PCDH15: variants seen among roughly 807,000 people sequenced by gnomAD.
PCDH15 encodes the protein protocadherin-15.
PCDH15 carries 129 observed loss-of-function variants against 178.5 expected under a neutral mutation model. The observed-to-expected ratio is 0.72, with a 90% confidence interval of 0.63 to 0.84. The LOEUF is 0.84. Among genes scored for constraint, PCDH15 ranks in the 40% least tolerant of loss-of-function variants. The probability of loss-of-function intolerance (pLI) is 0.00; values close to 1 mark genes in which losing one functional copy is unlikely to be tolerated. For synonymous variants in PCDH15, 800 were observed against 732.0 expected (o/e 1.09, Z -1.50); for missense variants, 2,230 against 2,099.9 (o/e 1.06, Z -1.21).
intron 1 of PCDH15, among the ~76,000 whole-genome samples, chr10:54,751,104 C>T (rs1307904225): frequency 6.6e-6 from 1 of 152,046 alleles, no homozygotes; most frequent in Non-Finnish European, 1.5e-5. Flanking sequence ...CTTTATAAAA[C>T]TGTTAGTATT....
chr10:54,757,695 C>A (rs1335127283), intron 1 of PCDH15, among the ~76,000 whole-genome samples: 2 of 152,014 alleles, frequency 1.3e-5, no homozygotes, highest in Non-Finnish European at 2.9e-5. Context: ...CTAAATAAGA[C>A]CAATTAGATT....
At chr10:55,240,873 A>T (rs752427039) in intron 1 of PCDH15, among the ~76,000 whole-genome samples, 2 of 152,222 alleles carry the variant, frequency 1.3e-5, no homozygotes, top group Non-Finnish European at 2.9e-5. Flanking sequence ...TCAAAACCAA[A>T]AAATTGATTG....
intron 15 of PCDH15, among the ~76,000 whole-genome samples, chr10:54,111,703 T>C (rs2095026378): frequency 6.6e-6 from 1 of 152,130 alleles, no homozygotes; most frequent in Non-Finnish European, 1.5e-5. Context: ...AGAGACATGA[T>C]AGAAATCTAA....
intron 1 of PCDH15, among the ~76,000 whole-genome samples, chr10:55,234,589 G>A (rs181901477): frequency 1.3e-5 from 2 of 151,822 alleles, no homozygotes; most frequent in South Asian, 2.1e-4. Flanking sequence ...CCATGTTGCC[G>A]AGGCCATCCT....
At chr10:55,005,963 A>G (rs913026592) in intron 2 of PCDH15, among the ~76,000 whole-genome samples, 6 of 151,800 alleles carry the variant, frequency 4.0e-5, no homozygotes, top group Non-Finnish European at 7.4e-5. Context: ...TTTTATTTTA[A>G]TTGATAAATA....
chr10:54,168,011 G>A (rs2046446530), intron 13 of PCDH15, among the ~76,000 whole-genome samples: 1 of 151,216 alleles, frequency 6.6e-6, no homozygotes, highest in African/African-American at 2.4e-5. Flanking sequence ...CTTGACTATA[G>A]GCAACCTTCC....
intron 3 of PCDH15, among the ~76,000 whole-genome samples, chr10:54,824,396 G>T (rs1254659861): frequency 5.9e-5 from 9 of 152,118 alleles, no homozygotes; most frequent in Admixed American, 5.9e-4. Context: ...AAAGATGTCA[G>T]GCATCTTAGA....
chr10:53,952,888 G>A (rs529319278), intron 23 of PCDH15, among the ~76,000 whole-genome samples: 1 of 152,382 alleles, frequency 6.6e-6, no homozygotes, highest in Admixed American at 6.5e-5. Flanking sequence ...AATGCTCGGG[G>A]CTTGATGACA....
At chr10:55,046,747 T>C (rs1841015971) in intron 2 of PCDH15, among the ~76,000 whole-genome samples, 1 of 152,112 alleles carries the variant, frequency 6.6e-6, no homozygotes. Context: ...GAAAAAGTTA[T>C]AGAAGTGAAG....
intron 5 of PCDH15, among the ~76,000 whole-genome samples, chr10:54,348,471 T>G (rs1011678092): frequency 6.6e-6 from 1 of 152,200 alleles, no homozygotes; most frequent in African/African-American, 2.4e-5. Flanking sequence ...TTCAATATTT[T>G]TCTTTTTTAA....
intron 23 of PCDH15, among the ~76,000 whole-genome samples, chr10:53,958,995 A>G (rs1361901947): frequency 6.7e-6 from 1 of 149,730 alleles, no homozygotes; most frequent in Non-Finnish European, 1.5e-5. Context: ...AAAAAAAAAA[A>G]AAAAAAAAAG....
chr10:55,245,340 C>T (rs923897313), intron 1 of PCDH15, among the ~76,000 whole-genome samples: 7 of 151,914 alleles, frequency 4.6e-5, no homozygotes, highest in Admixed American at 3.9e-4. Context: ...ATGGAAAATA[C>T]AAAACAAAGT....
intron 1 of PCDH15, among the ~76,000 whole-genome samples, chr10:54,761,322 C>T (rs1383179699): frequency 6.6e-6 from 1 of 151,944 alleles, no homozygotes. Context: ...GCCAAGAAAC[C>T]GAATGACCTA....
At chr10:54,192,654 A>G (rs1591074789) in intron 11 of PCDH15, among the ~76,000 whole-genome samples, 1 of 152,228 alleles carries the variant, frequency 6.6e-6, no homozygotes. Context: ...GAAACTACAT[A>G]TGATATTTTT....
intron 3 of PCDH15, among the ~76,000 whole-genome samples, chr10:54,453,319 G>T (rs982201489): frequency 1.3e-5 from 2 of 152,136 alleles, no homozygotes; most frequent in Admixed American, 1.3e-4. Context: ...GGAATACTAT[G>T]CAGCCATAAA....
intron 2 of PCDH15, among the ~76,000 whole-genome samples, chr10:55,052,340 G>A (rs1591861139): frequency 9.0e-6 from 1 of 110,512 alleles, no homozygotes; most frequent in East Asian, 3.0e-4. Flanking sequence ...TCCGCCCACC[G>A]GCCTCCCAAA....
intron 2 of PCDH15, among the ~76,000 whole-genome samples, chr10:55,537,443 T>G (rs546287721): frequency 1.6e-3 from 234 of 147,456 alleles, no homozygotes; most frequent in African/African-American, 5.2e-3. Context: ...ATGTATTTAT[T>G]TATTTATTTT....
intron 3 of PCDH15, among the ~76,000 whole-genome samples, chr10:54,853,322 T>TACACACAC (rs1401560628): frequency 2.8e-5 from 3 of 108,952 alleles, no homozygotes; most frequent in Admixed American, 1.1e-4. Flanking sequence ...TATATATACA[T>TACACACAC]ACACACACAT....
chr10:55,163,463 G>A (rs2032255937), intron 2 of PCDH15, among the ~76,000 whole-genome samples: 1 of 152,092 alleles, frequency 6.6e-6, no homozygotes, highest in South Asian at 2.1e-4. Context: ...TCGAACCAAA[G>A]AGACTCCGTT....
Sources: gnomAD v4.1 joint callset for allele counts (sites outside exome capture counted in the v4.1 genomes callset) on GRCh38, gnomAD v4.1.1 for gene constraint, MANE v1.5 for transcripts, NCBI Gene and HGNC (gene_info 2026-07-23, HGNC 2026-07-21) for gene names.